The following PTPRD variants were observed in gnomAD, a reference collection of about 807,000 sequenced individuals.
PTPRD encodes protein tyrosine phosphatase receptor type D.
Under a neutral mutation model 214.5 loss-of-function variants are expected in PTPRD, and 34 were observed. That is an observed-to-expected ratio of 0.16 (90% CI 0.12 to 0.21). PTPRD has a LOEUF of 0.21. PTPRD is among the 10% of genes least tolerant of loss of function. PTPRD has a pLI of 1.00. For missense variants in PTPRD, 2,545 were observed against 2,398.7 expected (o/e 1.06, Z -1.27); for synonymous variants, 1,128 against 845.7 (o/e 1.33, Z -5.79).
rs537072689 is a variant in PTPRD, at chr9:9,487,146, G to C, written c.-237+87586C>G. On this transcript the variant is annotated intron_variant, in intron 8 of 45. Transcript: ENST00000381196. ...ACATATGTATACATGTGCCATGTTG[G>C]TGTGCTGCACCCATTAACTTGTCAT... Among the ~76,000 whole-genome samples, 7 of 152,042 alleles carry C rather than the reference G, an allele frequency of 4.6e-5. No individual in the cohort carries two copies. The South Asian group carries it at 1.5e-3, about 32-fold the overall frequency.
chr9:9,935,063 T>A (rs529575799), intron 5 of PTPRD, among the ~76,000 whole-genome samples: 1 of 152,260 alleles, frequency 6.6e-6, no homozygotes, highest in South Asian at 2.1e-4. Flanking sequence ...TAGGTATTGA[T>A]GGGATGTATT....
chr9:10,138,695 A>C (rs2154264766), intron 3 of PTPRD, among the ~76,000 whole-genome samples: 1 of 152,284 alleles, frequency 6.6e-6, no homozygotes, highest in Middle Eastern at 3.4e-3. Flanking sequence ...TCAAAAAGTT[A>C]GTTCACAATG....
chr9:8,755,117 G>A (rs1352903040), intron 11 of PTPRD, among the ~76,000 whole-genome samples: 1 of 151,464 alleles, frequency 6.6e-6, no homozygotes, highest in Non-Finnish European at 1.5e-5. Flanking sequence ...AGTGCCAACT[G>A]GTAAAAACTC....
intron 4 of PTPRD, among the ~76,000 whole-genome samples, chr9:9,988,985 A>G (rs2095814531): frequency 6.9e-6 from 1 of 145,120 alleles, no homozygotes; most frequent in African/African-American, 2.6e-5. Flanking sequence ...TCTCTCTCCC[A>G]AACATCAGAA....
At chr9:8,911,130 GA>G (rs1566956227) in intron 11 of PTPRD, among the ~76,000 whole-genome samples, 1 of 152,064 alleles carries the variant, frequency 6.6e-6, no homozygotes, top group Non-Finnish European at 1.5e-5. Context: ...AAATTTATAT[GA>G]ATTCAAAGGA....
chr9:9,608,067 G>C lies in PTPRD; in HGVS notation c.-286-33286C>G, dbSNP rs567452785. Among the ~76,000 whole-genome samples the C allele has an allele frequency of 1.3e-3, 205 of 152,228 alleles. 2 individuals are homozygous for C. The highest frequency in any genetic ancestry group is 2.3e-3 in the Non-Finnish European group (159 of 68,018). ...ACATCTAATCATGAAACTCAAAGAG[G>C]TTAAGATCACTGGCTCCAAAATCAG... On this transcript the variant is annotated intron_variant, in intron 7 of 45. Coordinates refer to ENST00000381196, the MANE Select transcript of PTPRD (RefSeq NM_002839.4).
chr9:10,234,263 T>C (rs2099621903), intron 3 of PTPRD, among the ~76,000 whole-genome samples: 1 of 151,816 alleles, frequency 6.6e-6, no homozygotes, highest in Admixed American at 6.6e-5. Flanking sequence ...TCCCCTTCAA[T>C]CTTAAAATAA....
chr9:9,649,834 A>T (rs1462770915), intron 7 of PTPRD, among the ~76,000 whole-genome samples: 1 of 152,212 alleles, frequency 6.6e-6, no homozygotes, highest in Non-Finnish European at 1.5e-5. Flanking sequence ...AATATTTTGA[A>T]TTTTATTTTA....
intron 8 of PTPRD, among the ~76,000 whole-genome samples, chr9:9,516,682 C>T (rs1339915627): frequency 2.0e-5 from 3 of 151,950 alleles, no homozygotes; most frequent in South Asian, 2.1e-4. Flanking sequence ...GGACTACAGG[C>T]GTGGGCCACC....
chr9:10,120,614 AG>A (rs1318262522), intron 3 of PTPRD, among the ~76,000 whole-genome samples: 4 of 152,070 alleles, frequency 2.6e-5, no homozygotes, highest in African/African-American at 9.7e-5. Flanking sequence ...TAAATATGTT[AG>A]GTTTTCAAAA....
chr9:8,671,765 A>G (rs1350016166), intron 12 of PTPRD, among the ~76,000 whole-genome samples: 1 of 152,144 alleles, frequency 6.6e-6, no homozygotes. Flanking sequence ...GCAACTTACG[A>G]CTTTTAGAAA....
intron 3 of PTPRD, among the ~76,000 whole-genome samples, chr9:10,255,603 C>T (rs1468802961): frequency 6.7e-6 from 1 of 149,574 alleles, no homozygotes; most frequent in Non-Finnish European, 1.5e-5. Context: ...GCTTAGGCTA[C>T]AGAAAATGTA....
chr9:10,215,980 T>A (rs1291157319), intron 3 of PTPRD, among the ~76,000 whole-genome samples: 1 of 151,992 alleles, frequency 6.6e-6, no homozygotes, highest in Non-Finnish European at 1.5e-5. Context: ...ATATCAATAG[T>A]GGCAAGACTG....
At chr9:9,332,806 C>A (rs1050726120) in intron 9 of PTPRD, among the ~76,000 whole-genome samples, 1 of 151,738 alleles carries the variant, frequency 6.6e-6, no homozygotes, top group Non-Finnish European at 1.5e-5. Context: ...ACGCAAACTG[C>A]TGTAAGTAAA....
At chr9:8,817,097 T>A (rs956771767) in intron 11 of PTPRD, among the ~76,000 whole-genome samples, 3 of 152,228 alleles carry the variant, frequency 2.0e-5, no homozygotes, top group African/African-American at 7.2e-5. Context: ...AGCTGTAATA[T>A]CAATTACGGC....
intron 3 of PTPRD, among the ~76,000 whole-genome samples, chr9:10,164,638 A>T (rs1374823434): frequency 6.6e-6 from 1 of 151,634 alleles, no homozygotes; most frequent in Non-Finnish European, 1.5e-5. Flanking sequence ...TCTAGAATTA[A>T]TTGTTAAGTG....
At chr9:8,822,267 A>G (rs16928488) in intron 11 of PTPRD, among the ~76,000 whole-genome samples, 2,241 of 152,286 alleles carry the variant, frequency 0.015, 57 homozygotes, top group African/African-American at 0.05. Context: ...TGGAACATTC[A>G]TCCATGCCCA....
At chr9:8,689,175 A>T (rs2097754889) in intron 12 of PTPRD, among the ~76,000 whole-genome samples, 1 of 152,238 alleles carries the variant, frequency 6.6e-6, no homozygotes, top group Non-Finnish European at 1.5e-5. Flanking sequence ...ATACAGCAAT[A>T]TGATTCCACC....
chr9:9,239,518 C>A (rs1232437228), intron 9 of PTPRD, among the ~76,000 whole-genome samples: 1 of 152,084 alleles, frequency 6.6e-6, no homozygotes, highest in Non-Finnish European at 1.5e-5. Context: ...TTACCCTTAA[C>A]AATTTATTCT....
Sources: gnomAD v4.1 joint callset for allele counts (sites outside exome capture counted in the v4.1 genomes callset) on GRCh38, gnomAD v4.1.1 for gene constraint, MANE v1.5 for transcripts, NCBI Gene and HGNC (gene_info 2026-07-23, HGNC 2026-07-21) for gene names.